Variants in MEIKIN observed in about 807,000 individuals in gnomAD.
MEIKIN encodes the protein meiosis-specific kinetochore protein.
intron 11 of MEIKIN, among the ~76,000 whole-genome samples, chr5:131,827,050 T>G (rs2149605304): frequency 6.6e-6 from 1 of 152,294 alleles, no homozygotes; most frequent in South Asian, 2.1e-4. Context: ...AATGACACAA[T>G]CATGGCTTAC....
chr5:131,921,391 C>T (rs918964026), intron 6 of MEIKIN, among the ~76,000 whole-genome samples: 10 of 151,650 alleles, frequency 6.6e-5, no homozygotes, highest in Admixed American at 5.9e-4. Flanking sequence ...GGAGCAGTGG[C>T]TCACACCTGT....
chr5:131,816,935 T>C (rs930498779), intron 12 of MEIKIN, among the ~76,000 whole-genome samples: 1 of 152,228 alleles, frequency 6.6e-6, no homozygotes, highest in Non-Finnish European at 1.5e-5. Context: ...TAAAGCATTA[T>C]TTCTGAGTAG....
chr5:131,821,605 T>C (rs191587967), intron 11 of MEIKIN, among the ~76,000 whole-genome samples: 106 of 150,704 alleles, frequency 7.0e-4, no homozygotes, highest in Middle Eastern at 3.4e-3. Context: ...TTTAAGTCTC[T>C]AGCTATTGTT....
Position 131,945,523 on chromosome 5 carries a change from C to G in MEIKIN, c.-18G>C, listed in dbSNP as rs1434845521. On this transcript the variant is annotated 5_prime_UTR_variant, in exon 1 of 13. Transcript: ENST00000442687. The stretch of plus-strand genomic sequence containing the variant: ...GGCCACATTGCTATCCCACCCTACC[C>G]CCAGGCCACGGGTGCCTCTGGACTC... 2.5e-6 allele frequency: 1 copy of G among 399,800 alleles called. No homozygotes were observed. Among genetic ancestry groups the G allele is most frequent in the Non-Finnish European group, 4.4e-6 (1 of 226,164 alleles). The allele number at this position is 399,800 out of a possible 1,614,324, so 24.8% of individuals were successfully genotyped here.
intron 11 of MEIKIN, among the ~76,000 whole-genome samples, chr5:131,835,784 G>A (rs930131166): frequency 2.0e-5 from 3 of 152,042 alleles, no homozygotes; most frequent in East Asian, 1.9e-4. Flanking sequence ...TAGTAGAGAC[G>A]GGGTTTCACT....
chr5:131,863,681 T>A (rs1381982778), intron 9 of MEIKIN, among the ~76,000 whole-genome samples: 2 of 151,696 alleles, frequency 1.3e-5, no homozygotes, highest in Non-Finnish European at 1.5e-5. Flanking sequence ...TTTGATATAG[T>A]TTGGCTCTGT....
At chr5:131,861,762 T>C (rs905079837) in intron 9 of MEIKIN, among the ~76,000 whole-genome samples, 2 of 152,244 alleles carry the variant, frequency 1.3e-5, no homozygotes, top group African/African-American at 4.8e-5. Flanking sequence ...TTTATTGATT[T>C]GCACAGGTTA....
At chr5:131,889,637 T>C (rs537670296) in intron 8 of MEIKIN, among the ~76,000 whole-genome samples, 47 of 152,346 alleles carry the variant, frequency 3.1e-4, no homozygotes, top group African/African-American at 1.1e-3. Flanking sequence ...TTTCTACATA[T>C]ACAATCATGT....
chr5:131,899,542 T>TAAA (rs398065218), intron 8 of MEIKIN, among the ~76,000 whole-genome samples: 10 of 125,410 alleles, frequency 8.0e-5, no homozygotes, highest in East Asian at 6.7e-4. Flanking sequence ...TGAATGGATT[T>TAAA]AAAAAAAAAA....
intron 11 of MEIKIN, among the ~76,000 whole-genome samples, chr5:131,822,930 A>G (rs938335425): frequency 3.7e-5 from 5 of 134,948 alleles, no homozygotes; most frequent in Admixed American, 8.6e-5. Context: ...TTCATGCTTA[A>G]AGGATTTTTT....
At chr5:131,852,320 C>T (rs989870528) in intron 10 of MEIKIN, among the ~76,000 whole-genome samples, 3 of 152,070 alleles carry the variant, frequency 2.0e-5, no homozygotes, top group Non-Finnish European at 2.9e-5. Context: ...CCTCTGTTGC[C>T]ATGTAAGACA....
chr5:131,822,934 A>AT (rs70974019), intron 11 of MEIKIN, among the ~76,000 whole-genome samples: 3,178 of 116,868 alleles, frequency 0.027, 72 homozygotes, highest in East Asian at 0.071. Flanking sequence ...TGCTTAAAGG[A>AT]TTTTTTTTTT....
At chr5:131,890,231 G>A (rs929069979) in intron 8 of MEIKIN, among the ~76,000 whole-genome samples, 1 of 152,172 alleles carries the variant, frequency 6.6e-6, no homozygotes, top group African/African-American at 2.4e-5. Context: ...ATTTAGGGAG[G>A]ATTCCCTCTT....
intron 8 of MEIKIN, among the ~76,000 whole-genome samples, chr5:131,897,229 G>C (rs1184084410): frequency 6.6e-6 from 1 of 152,196 alleles, no homozygotes; most frequent in Non-Finnish European, 1.5e-5. Flanking sequence ...CTTCTGGCTT[G>C]TAGAGTTTCT....
chr5:131,876,381 G>A (rs1444303198), intron 9 of MEIKIN, among the ~76,000 whole-genome samples: 16 of 151,246 alleles, frequency 1.1e-4, no homozygotes, highest in East Asian at 1.9e-4. Flanking sequence ...TGCGGCCAAC[G>A]GACACATGAA....
chr5:131,813,265 A>G (rs1462767322), intron 12 of MEIKIN, among the ~76,000 whole-genome samples: 1 of 152,228 alleles, frequency 6.6e-6, no homozygotes, highest in Admixed American at 6.5e-5. Context: ...TATGATATGC[A>G]GGTACTGCCT....
At chr5:131,945,328 C>G (rs1751944233) in intron 1 of MEIKIN, 72 bp downstream of exon 1, 1 of 398,888 alleles carries the variant, frequency 2.5e-6, no homozygotes, top group Admixed American at 4.4e-5. Flanking sequence ...GGCCTAGCAC[C>G]CCCGCCCGCC....
Position 131,906,817 on chromosome 5 carries a change from GGTATA to G in MEIKIN, c.703+4993_703+4997del, listed in dbSNP as rs1751250828. Among the ~76,000 whole-genome samples the G allele has an allele frequency of 3.9e-5, 6 of 151,904 alleles. 1 individual carries two copies. In the South Asian group the frequency reaches 1.2e-3, roughly 32 times the overall value. ...ACTTATAAGTGGGACCTAAACATTG[GGTATA>G]TATGGACAGAAAGAAGGAACAACAG... On this transcript the variant is annotated intron_variant, in intron 8 of 12. Transcript: ENST00000442687.
intron 11 of MEIKIN, among the ~76,000 whole-genome samples, chr5:131,819,316 T>A (rs1427030734): frequency 2.0e-5 from 3 of 151,294 alleles, no homozygotes; most frequent in African/African-American, 4.9e-5. Context: ...AATAAAAAAA[T>A]ACCGGCTGGG....
Sources: allele counts gnomAD v4.1 joint callset (sites outside exome capture counted in the v4.1 genomes callset), GRCh38; gene constraint gnomAD v4.1.1; transcripts MANE v1.5; gene names NCBI Gene and HGNC (gene_info 2026-07-23, HGNC 2026-07-21).